The following ANKS1B variants were observed in gnomAD, a reference collection of about 807,000 sequenced individuals.
ANKS1B encodes ankyrin repeat and sterile alpha motif domain containing 1B.
A neutral mutation model predicts 148.3 loss-of-function variants in ANKS1B; 36 were observed. That is an observed-to-expected ratio of 0.24 (90% CI 0.19 to 0.32). ANKS1B has a LOEUF of 0.32. ANKS1B is among the 10% of genes least tolerant of loss of function. ANKS1B has a pLI of 1.00. For missense variants in ANKS1B, 1,157 were observed against 1,542.6 expected, an observed-to-expected ratio of 0.75 and a Z score of 4.19; for synonymous variants, 542 against 560.8, an observed-to-expected ratio of 0.97 and a Z score of 0.47.
At chr12:99,508,217 C>CTTTTAAATGTTTCCTAGGTG (rs2096731382) in intron 9 of ANKS1B, among the ~76,000 whole-genome samples, 1 of 151,766 alleles carries the variant, frequency 6.6e-6, no homozygotes, top group South Asian at 2.1e-4. Flanking sequence ...TGACAATGGA[C>CTTTTAAATGTTTCCTAGGTG]TTTTAAATGT....
intron 17 of ANKS1B, among the ~76,000 whole-genome samples, chr12:98,919,981 G>T (rs1001828420): frequency 2.6e-5 from 4 of 152,152 alleles, no homozygotes; most frequent in Non-Finnish European, 4.4e-5. Context: ...GAAAGTGATG[G>T]TGTATTAGTT....
chr12:99,430,618 T>C (rs1440992187), intron 11 of ANKS1B, among the ~76,000 whole-genome samples: 2 of 152,224 alleles, frequency 1.3e-5, no homozygotes, highest in African/African-American at 4.8e-5. Flanking sequence ...CTTATTAATT[T>C]ATCCCCTAAG....
At chr12:98,781,370 T>G (rs1269079416) in intron 23 of ANKS1B, 167 bp from the exon 24 acceptor site, 3 of 677,796 alleles carry the variant, frequency 4.4e-6, no homozygotes, top group Non-Finnish European at 8.1e-6. Context: ...ACACTCTAAT[T>G]TTAATGTCTG....
chr12:98,741,696 T>C (rs1187232606), downstream of ANKS1B, among the ~76,000 whole-genome samples: 1 of 152,218 alleles, frequency 6.6e-6, no homozygotes, highest in Non-Finnish European at 1.5e-5. Flanking sequence ...CACTTGTACC[T>C]TTCTTCTTTC....
At chr12:98,787,953 AAGG>A (rs1263641669) in intron 22 of ANKS1B, among the ~76,000 whole-genome samples, 1 of 151,470 alleles carries the variant, frequency 6.6e-6, no homozygotes, top group African/African-American at 2.4e-5. Flanking sequence ...AAAAAAAAAA[AAGG>A]AAGCACAGTG....
chr12:98,735,759 A>G, intron 9 of ANKS1B: 1 of 503,812 alleles, frequency 2.0e-6, no homozygotes. Context: ...TGAGCAAAAC[A>G]AAAGTCTTGC....
chr12:99,317,675 G>T (rs1418543484), intron 12 of ANKS1B, among the ~76,000 whole-genome samples: 2 of 152,048 alleles, frequency 1.3e-5, no homozygotes, highest in African/African-American at 4.8e-5. Context: ...TGCCTGATTT[G>T]CCCTGGCCAG....
At chr12:99,067,671 G>T (rs2044812430) in intron 16 of ANKS1B, among the ~76,000 whole-genome samples, 1 of 152,178 alleles carries the variant, frequency 6.6e-6, no homozygotes, top group African/African-American at 2.4e-5. Flanking sequence ...AATATGCAGA[G>T]AAGTGTTGCT....
rs1383676048 is a variant in ANKS1B at position 99,938,779 on chromosome 12, T to C, written c.134+45325A>G. ...TCAAAAACTAAAGATCAGCTGCTAA[T>C]TCCTGCCTTGTACATTCTCAGAGAG... On this transcript the variant is annotated intron_variant, in intron 1 of 26. Coordinates refer to ENST00000683438, the MANE Select transcript of ANKS1B (RefSeq NM_001352186.2). Among the ~76,000 whole-genome samples the C allele has an allele frequency of 2.6e-5, 4 of 152,150 alleles. No individual in the cohort carries two copies. The South Asian group carries it at 6.2e-4, about 24-fold the overall frequency.
At chr12:99,051,078 A>G (rs930698660) in intron 17 of ANKS1B, among the ~76,000 whole-genome samples, 39 of 152,308 alleles carry the variant, frequency 2.6e-4, no homozygotes, top group Middle Eastern at 3.4e-3. Flanking sequence ...CCCCGGCAGT[A>G]AAGCCAGGGG....
At position 99,263,130 on chromosome 12, in the gene ANKS1B, G is replaced by C. The variant is rs191490657; in HGVS notation, c.1757-16266C>G. Among the ~76,000 whole-genome samples, 123 of 152,050 alleles carry C rather than the reference G, an allele frequency of 8.1e-4. 4 individuals are homozygous for C. The South Asian group carries it at 0.021, about 25-fold the overall frequency. On this transcript the variant is annotated intron_variant, in intron 12 of 26. Coordinates refer to ENST00000683438, the MANE Select transcript of ANKS1B (RefSeq NM_001352186.2). Reference sequence around the variant, plus strand: ...TCGTAGGTGAGGAGTTGAATGCTTAGATGTTAAGTAACCAATCAGGGTTAC... The same window carrying C: ...TCGTAGGTGAGGAGTTGAATGCTTACATGTTAAGTAACCAATCAGGGTTAC...
chr12:99,640,399 T>G (rs1476458951), intron 9 of ANKS1B, among the ~76,000 whole-genome samples: 1 of 151,796 alleles, frequency 6.6e-6, no homozygotes, highest in Non-Finnish European at 1.5e-5. Flanking sequence ...TTTAATAATA[T>G]TAAAAGGTGA....
chr12:99,612,983 C>G (rs147607781), intron 9 of ANKS1B, among the ~76,000 whole-genome samples: 1 of 152,200 alleles, frequency 6.6e-6, no homozygotes, highest in African/African-American at 2.4e-5. Flanking sequence ...AACCCTGAGC[C>G]AATGGGAATG....
At chr12:99,460,923 T>C (rs1296497168) in intron 10 of ANKS1B, among the ~76,000 whole-genome samples, 1 of 152,020 alleles carries the variant, frequency 6.6e-6, no homozygotes, top group Admixed American at 6.6e-5. Context: ...TAAGTCATTA[T>C]ACAAAAAAAG....
chr12:99,678,950 C>G (rs1200479070), intron 8 of ANKS1B, among the ~76,000 whole-genome samples: 1 of 152,054 alleles, frequency 6.6e-6, no homozygotes, highest in Non-Finnish European at 1.5e-5. Flanking sequence ...GTACTATAAT[C>G]TCTTATAAAT....
At chr12:98,737,364 A>G (rs1451232912) in intron 9 of ANKS1B, among the ~76,000 whole-genome samples, 3 of 152,034 alleles carry the variant, frequency 2.0e-5, no homozygotes, top group Admixed American at 1.3e-4. Flanking sequence ...CTAACTCCCT[A>G]TGTTTCACAA....
intron 17 of ANKS1B, among the ~76,000 whole-genome samples, chr12:98,911,393 A>G (rs1029856151): frequency 2.0e-5 from 3 of 152,200 alleles, no homozygotes; most frequent in Admixed American, 6.5e-5. Context: ...GGCCCTGAGA[A>G]ACTAATCTCC....
intron 1 of ANKS1B, among the ~76,000 whole-genome samples, chr12:99,832,808 AG>A (rs1425016176): frequency 1.3e-5 from 2 of 152,176 alleles, no homozygotes; most frequent in Admixed American, 1.3e-4. Flanking sequence ...CCAATAGCTG[AG>A]AATGGGGCAA....
At chr12:99,718,125 G>T (rs1012783691) in intron 8 of ANKS1B, among the ~76,000 whole-genome samples, 2 of 151,624 alleles carry the variant, frequency 1.3e-5, no homozygotes, top group South Asian at 2.1e-4. Flanking sequence ...GGATGGTCTC[G>T]ATCTGACCTC....
Sources: allele counts gnomAD v4.1 joint callset (sites outside exome capture counted in the v4.1 genomes callset), GRCh38; gene constraint gnomAD v4.1.1; transcripts MANE v1.5; gene names NCBI Gene and HGNC (gene_info 2026-07-23, HGNC 2026-07-21).